The following TIMM44 variants were observed in gnomAD, a reference collection of about 807,000 sequenced individuals.
The protein encoded by TIMM44 is mitochondrial import inner membrane translocase subunit TIM44.
Under a neutral mutation model 63.8 loss-of-function variants are expected in TIMM44, and 37 were observed. The observed-to-expected ratio is 0.58, with a 90% CI of 0.45 to 0.76. The LOEUF (loss-of-function observed/expected upper bound fraction) is 0.76. Among genes scored for constraint, TIMM44 ranks in the 30% least tolerant of loss-of-function variants. The probability of loss-of-function intolerance (pLI) is 0.00; values close to 1 mark genes in which losing one functional copy is unlikely to be tolerated. For missense variants in TIMM44, 573 were observed against 603.8 expected, an observed-to-expected ratio of 0.95 and a Z score of 0.54; for synonymous variants, 239 against 245.1, an observed-to-expected ratio of 0.98 and a Z score of 0.23.
intron 3 of TIMM44, among the ~76,000 whole-genome samples, chr19:7,936,413 T>C (rs1416727502): frequency 1.3e-5 from 2 of 150,322 alleles, no homozygotes; most frequent in Non-Finnish European, 1.5e-5. Flanking sequence ...GATCGCACCA[T>C]TGCACTCCAG....
In TIMM44 at chr19:7,933,857, T is replaced by C; in HGVS notation, c.683+7A>G. On this transcript the variant is annotated splice_region_variant and intron_variant, in intron 6 of 12. Coordinates refer to ENST00000270538, the MANE Select transcript of TIMM44 (RefSeq NM_006351.4). This position sits in a 1 kb window ranked among gnomAD's most constrained non-coding sequence, Gnocchi z 4.3. ...GGGGGCAGCGAGGGCCACGGGCTGG[T>C]ACCTACTCGTTTGGCTCAAACACTT... 1 of 1,614,050 alleles carries C rather than the reference T, an allele frequency of 6.2e-7. No homozygotes were observed. Among genetic ancestry groups the C allele is most frequent in the Non-Finnish European group, 8.5e-7 (1 of 1,180,014 alleles).
chr19:7,927,898 TG>T, intron 11 of TIMM44, 131 bp from the exon 12 acceptor site: 1 of 1,133,416 alleles, frequency 8.8e-7, no homozygotes. Flanking sequence ...TCCCTCCCCG[TG>T]GGCCTTGCCT....
At position 7,933,565 on chromosome 19, in the gene TIMM44, G is replaced by A. The variant is rs1178089394; in HGVS notation, c.689C>T (p.Ala230Val). The change falls in exon 7 of 13, where the codon GCC becomes GTC. Residue 230 changes from alanine (A) to valine (V), a missense_variant. Coordinates refer to ENST00000270538, the MANE Select transcript of TIMM44 (RefSeq NM_006351.4). The surrounding 1 kb of genome is among the most constrained non-coding windows in gnomAD (Gnocchi z 4.3). Reference protein sequence around the residue: ...EEKVFEPNEEALGVVLHKDSK... With the variant: ...EEKVFEPNEEVLGVVLHKDSK... The stretch of plus-strand genomic sequence containing the variant: ...GTCCTTGTGCAGCACGACCCCCAGG[G>A]CCTCCCTGGGGAAGAGGGTGGGCCC... 5.0e-6 allele frequency: 8 copies of A among 1,613,858 alleles called. No individual in the cohort carries two copies. The highest frequency in any genetic ancestry group is 6.8e-6 in the Non-Finnish European group (8 of 1,179,876).
intron 3 of TIMM44, among the ~76,000 whole-genome samples, chr19:7,935,836 C>A (rs1428629186): frequency 6.6e-6 from 1 of 152,152 alleles, no homozygotes; most frequent in Non-Finnish European, 1.5e-5. Flanking sequence ...CCAAACTCAG[C>A]CTGCTATGTC....
intron 11 of TIMM44, 128 bp from the exon 12 acceptor site, chr19:7,927,895 C>T (rs2145170410): frequency 1.8e-6 from 2 of 1,141,766 alleles, no homozygotes; most frequent in Admixed American, 4.0e-5. Context: ...CGGTCCCTCC[C>T]CGTGGGCCTT....
chr19:7,941,277 A>C, intron 1 of TIMM44, 80 bp from the exon 2 acceptor site: 1 of 1,092,626 alleles, frequency 9.2e-7, no homozygotes. Context: ...ACAAAACAGC[A>C]GGGTCACCTG....
rs537081183 is a variant in TIMM44, at chr19:7,940,050, C to G, written c.141+1052G>C. Among the ~76,000 whole-genome samples the G allele has an allele frequency of 6.4e-4, 98 of 152,272 alleles. 1 individual carries two copies. The South Asian group carries it at 0.015, about 23-fold the overall frequency. ...TGGGATCCCCCTCCCTGGCTCCTGT[C>G]AAGCTACAAGAGAAAGCTGCATCCA... On this transcript the variant is annotated intron_variant, in intron 2 of 12. Transcript: ENST00000270538.
chr19:7,927,830 G>C, intron 11 of TIMM44, 63 bp from the exon 12 acceptor site: 1 of 1,532,750 alleles, frequency 6.5e-7, no homozygotes. Flanking sequence ...CCCTGGAGGT[G>C]AAACCCCTGC....
At chr19:7,935,297 C>T in intron 3 of TIMM44, 152 bp from the exon 4 acceptor site, 2 of 705,406 alleles carry the variant, frequency 2.8e-6, no homozygotes, top group Non-Finnish European at 2.4e-6. Context: ...TCCCGAGTAG[C>T]TGGGACTACA....
In TIMM44 at chr19:7,933,805, T is replaced by C; in HGVS notation, c.683+59A>G. On this transcript the variant is annotated intron_variant, in intron 6 of 12. Coordinates refer to ENST00000270538, the MANE Select transcript of TIMM44 (RefSeq NM_006351.4). This position sits in a 1 kb window ranked among gnomAD's most constrained non-coding sequence, Gnocchi z 4.3. ...GGGAACCATTGGTGGGCTCCCGAAA[T>C]GGACAGCAGTGAAAGCTGCCCAAAA... 1.9e-6 allele frequency: 3 copies of C among 1,610,634 alleles called. No homozygotes were observed. The highest frequency in any genetic ancestry group is 2.5e-6 in the Non-Finnish European group (3 of 1,178,966).
At chr19:7,940,047 T>G (rs1984262738) in intron 2 of TIMM44, among the ~76,000 whole-genome samples, 1 of 152,152 alleles carries the variant, frequency 6.6e-6, no homozygotes, top group Non-Finnish European at 1.5e-5. Flanking sequence ...CCCTGGCTCC[T>G]GTCAAGCTAC....
chr19:7,939,222 G>A (rs780898845), intron 2 of TIMM44, among the ~76,000 whole-genome samples: 3 of 152,060 alleles, frequency 2.0e-5, no homozygotes, highest in Non-Finnish European at 4.4e-5. Context: ...ATAGAAAACT[G>A]TGTGCCAGAT....
intron 2 of TIMM44, among the ~76,000 whole-genome samples, chr19:7,939,879 TCCAGCCTGGGCGACAGAGTGAGA>T (rs1490614957): frequency 6.6e-6 from 1 of 151,936 alleles, no homozygotes; most frequent in Non-Finnish European, 1.5e-5. Context: ...GCCCCTGCAC[TCCAGCCTGGGCGACAGAGTGAGA>T]CTCTGTTTCA....
rs1249594125 is a variant in TIMM44 at position 7,931,398 on chromosome 19, C to G, written c.988-210G>C. 3 of 600,884 alleles carry G rather than the reference C, an allele frequency of 5.0e-6. No individual in the cohort carries two copies. In the African/African-American group the frequency reaches 5.6e-5, roughly 11 times the overall value. The allele number at this position is 600,884 out of a possible 1,614,324, so 37.2% of individuals were successfully genotyped here. On this transcript the variant is annotated intron_variant, in intron 9 of 12. Transcript: ENST00000270538. ...TCAGTGCCTGGCTCTGGCCTAGGCA[C>G]AGGCGGAGGGCGGCCTGCGGGCGAC...
rs746119853 is a variant in TIMM44, at chr19:7,927,316, G to A, written c.1240-10C>T. 4 of 1,609,344 alleles carry A rather than the reference G, an allele frequency of 2.5e-6. No homozygotes were observed. The highest frequency in any genetic ancestry group is 2.2e-5 in the East Asian group (1 of 44,878). On this transcript the variant is annotated splice_polypyrimidine_tract_variant and intron_variant, in intron 12 of 12. Coordinates refer to ENST00000270538, the MANE Select transcript of TIMM44 (RefSeq NM_006351.4). Reference sequence around the variant, plus strand: ...TCCGCAGCACCTTGTCCTGCAGGGTGGGGTGGGAAGGGCACTGTTGAGAGG... The same window carrying A: ...TCCGCAGCACCTTGTCCTGCAGGGTAGGGTGGGAAGGGCACTGTTGAGAGG...
intron 10 of TIMM44, chr19:7,928,889 G>A (rs888299404): frequency 3.9e-5 from 5 of 127,650 alleles, no homozygotes; most frequent in African/African-American, 9.2e-5. Context: ...CAGCTGTGGC[G>A]TAATGGTCCC....
rs767970721 is a variant in TIMM44, at chr19:7,927,161, G to C, written c.*26C>G. 97 of 1,596,554 alleles carry C rather than the reference G, an allele frequency of 6.1e-5. No individual in the cohort carries two copies. Among genetic ancestry groups the C allele is most frequent in the Middle Eastern group, 3.3e-4 (2 of 6,052 alleles). Reference sequence around the variant, plus strand: ...GCCTCTGTGCCTGATGACCCAGGCCGGGGCTACCTGGCTCCGGCACCACAC... The same window carrying C: ...GCCTCTGTGCCTGATGACCCAGGCCCGGGCTACCTGGCTCCGGCACCACAC... On this transcript the variant is annotated 3_prime_UTR_variant, in exon 13 of 13. Coordinates refer to ENST00000270538, the MANE Select transcript of TIMM44 (RefSeq NM_006351.4).
intron 12 of TIMM44, 89 bp from the exon 13 acceptor site, chr19:7,927,395 C>A: frequency 6.7e-7 from 1 of 1,503,228 alleles, no homozygotes; most frequent in South Asian, 1.1e-5. Context: ...GGGGCAGGAG[C>A]CACCGGCAAC....
chr19:7,937,675 G>A, intron 3 of TIMM44: 3 of 329,050 alleles, frequency 9.1e-6, no homozygotes, highest in South Asian at 7.6e-5. Flanking sequence ...GCTGTCCCTG[G>A]CCTGGAGAAA....
Sources: gnomAD v4.1 joint callset for allele counts (sites outside exome capture counted in the v4.1 genomes callset) on GRCh38, gnomAD v4.1.1 for gene constraint, Gnocchi (gnomAD v3.1) non-coding constraint, MANE v1.5 for transcripts, NCBI Gene and HGNC (gene_info 2026-07-23, HGNC 2026-07-21) for gene names.